PRKCZ: variants seen among roughly 807,000 people sequenced by gnomAD.
PRKCZ encodes the protein protein kinase C zeta type.
Under a neutral mutation model 79.5 loss-of-function variants are expected in PRKCZ, and 33 were observed. The observed-to-expected ratio is 0.41, with a 90% CI of 0.31 to 0.55. PRKCZ has a LOEUF of 0.55. Among genes scored for constraint, PRKCZ ranks in the 20% least tolerant of loss-of-function variants. PRKCZ has a pLI of 0.19. For missense variants in PRKCZ, 578 were observed against 813.5 expected (o/e 0.71, Z 3.52); for synonymous variants, 342 against 320.9 (o/e 1.07, Z -0.70).
At chr1:2,181,368 C>T (rs929424705) in intron 16 of PRKCZ, among the ~76,000 whole-genome samples, 16 of 152,230 alleles carry the variant, frequency 1.1e-4, no homozygotes, top group Non-Finnish European at 2.2e-4. Flanking sequence ...ACGGAACGGG[C>T]CCCCTGTTGT....
intron 16 of PRKCZ, among the ~76,000 whole-genome samples, chr1:2,176,957 A>G (rs1426752842): frequency 6.6e-6 from 1 of 152,222 alleles, no homozygotes; most frequent in Non-Finnish European, 1.5e-5. Flanking sequence ...TGTTCTGAGC[A>G]TAGGCACCTG....
intron 4 of PRKCZ, among the ~76,000 whole-genome samples, chr1:2,120,342 C>CA: frequency 7.7e-6 from 1 of 129,536 alleles, no homozygotes; most frequent in East Asian, 2.2e-4. Context: ...TCTTGTTGCC[C>CA]AGGCTGGAGT....
chr1:2,078,814 T>C (rs1214499531), intron 4 of PRKCZ, among the ~76,000 whole-genome samples: 1 of 152,082 alleles, frequency 6.6e-6, no homozygotes, highest in East Asian at 1.9e-4. Context: ...TTCCCGTTCT[T>C]GTCTTTCGAT....
intron 6 of PRKCZ, chr1:2,145,656 G>A (rs1462249198): frequency 1.2e-5 from 3 of 255,520 alleles, no homozygotes; most frequent in Non-Finnish European, 2.3e-5. Flanking sequence ...GCTCACACCT[G>A]TAATCCCAAC....
Position 2,174,705 on chromosome 1 carries a change from C to A in PRKCZ, c.1406-49C>A, listed in dbSNP as rs746976366. The A allele has an allele frequency of 1.9e-6, 3 of 1,585,068 alleles. No homozygotes were observed. Among genetic ancestry groups the A allele is most frequent in the Non-Finnish European group, 1.7e-6 (2 of 1,155,506 alleles). ...GAGTCAGAGTCTGGGCGGCACTGGG[C>A]AAATGGCACACAACACAGGCAAGTC... On this transcript the variant is annotated intron_variant, in intron 14 of 17. Coordinates refer to ENST00000378567, the MANE Select transcript of PRKCZ (RefSeq NM_002744.6). This position sits in a 1 kb window ranked among gnomAD's most constrained non-coding sequence, Gnocchi z 6.2.
chr1:2,093,893 C>A (rs1372644172), intron 4 of PRKCZ, among the ~76,000 whole-genome samples: 1 of 152,166 alleles, frequency 6.6e-6, no homozygotes, highest in African/African-American at 2.4e-5. Flanking sequence ...AGGTCCGCGG[C>A]CGTCAGCGTT....
chr1:2,160,706 G>A (rs900433497), intron 10 of PRKCZ, among the ~76,000 whole-genome samples: 1 of 152,182 alleles, frequency 6.6e-6, no homozygotes. Flanking sequence ...AGCCTTAGGG[G>A]GTGGGGAGGA....
intron 9 of PRKCZ, among the ~76,000 whole-genome samples, chr1:2,155,122 A>G (rs2459983): frequency 0.92 from 139,489 of 152,174 alleles, 64,109 homozygotes; most frequent in East Asian, 1. Flanking sequence ...TGATGGTGAC[A>G]ATGATGGTGA....
chr1:2,119,890 G>A (rs1365476858), intron 4 of PRKCZ, among the ~76,000 whole-genome samples: 3 of 151,352 alleles, frequency 2.0e-5, no homozygotes, highest in Non-Finnish European at 4.4e-5. Flanking sequence ...AGGTTCAAGC[G>A]ATTCTCCTGG....
chr1:2,103,919 G>A (rs535835732), intron 4 of PRKCZ, among the ~76,000 whole-genome samples: 16 of 152,328 alleles, frequency 1.1e-4, no homozygotes, highest in African/African-American at 3.4e-4. Context: ...TGGCCTGGAC[G>A]CCAGCTGTTC....
chr1:2,179,388 C>T (rs1438983787), intron 16 of PRKCZ, among the ~76,000 whole-genome samples: 2 of 152,194 alleles, frequency 1.3e-5, no homozygotes. Context: ...AAGAGGGTCC[C>T]CATCCCCGCA....
chr1:2,061,507 C>T (rs1282228856), intron 4 of PRKCZ, among the ~76,000 whole-genome samples: 1 of 152,130 alleles, frequency 6.6e-6, no homozygotes, highest in African/African-American at 2.4e-5. Context: ...GAGAATGTGG[C>T]CAAGCCCCGA....
At chr1:2,132,541 C>T (rs192440893) in intron 4 of PRKCZ, among the ~76,000 whole-genome samples, 1 of 152,252 alleles carries the variant, frequency 6.6e-6, no homozygotes, top group East Asian at 1.9e-4. Flanking sequence ...GTGTAGGAGA[C>T]GCCTGGGCGG....
chr1:2,166,529 A>G (rs1233289707), intron 10 of PRKCZ, among the ~76,000 whole-genome samples: 5 of 152,194 alleles, frequency 3.3e-5, no homozygotes, highest in Admixed American at 1.3e-4. Flanking sequence ...TAATGCCAGG[A>G]CAGGGAGCAG....
rs1557725714 is a variant in PRKCZ at position 2,168,483 on chromosome 1, C to T, written c.975-1035C>T. On this transcript the variant is annotated intron_variant, in intron 10 of 17. Transcript: ENST00000378567. The surrounding 1 kb of genome is among the most constrained non-coding windows in gnomAD (Gnocchi z 4.7). ...CGTCTCTCCAGCTCCTCACTTGGGG[C>T]CCAGGGCTCTTTCGATTTTTAGGAG... is the stretch of plus-strand genomic sequence containing the variant. Among the ~76,000 whole-genome samples the T allele has an allele frequency of 6.6e-6, 1 of 152,216 alleles. No homozygotes were observed. The highest frequency in any genetic ancestry group is 1.5e-5 in the Non-Finnish European group (1 of 68,044).
intron 6 of PRKCZ, chr1:2,144,749 T>G: frequency 1.6e-6 from 1 of 611,286 alleles, no homozygotes. Context: ...GCATCCCCCC[T>G]GGGAAGCCAT....
intron 4 of PRKCZ, among the ~76,000 whole-genome samples, chr1:2,064,193 C>T (rs1316924345): frequency 6.6e-6 from 1 of 152,196 alleles, no homozygotes; most frequent in Non-Finnish European, 1.5e-5. Flanking sequence ...CTTTTCGCGT[C>T]CTGTGTCCAT....
intron 4 of PRKCZ, chr1:2,074,272 G>A (rs1034123087): frequency 6.5e-7 from 1 of 1,549,732 alleles, no homozygotes; most frequent in Non-Finnish European, 8.7e-7. Context: ...CCCGAGGACG[G>A]ATGGTGTGTG....
At chr1:2,072,449 G>A (rs911038097) in intron 4 of PRKCZ, among the ~76,000 whole-genome samples, 4 of 152,230 alleles carry the variant, frequency 2.6e-5, no homozygotes, top group Admixed American at 1.3e-4. Context: ...GGCAAGCGCC[G>A]GGTGGGTTGG....
Sources: gnomAD v4.1 joint callset for allele counts (sites outside exome capture counted in the v4.1 genomes callset) on GRCh38, gnomAD v4.1.1 for gene constraint, Gnocchi (gnomAD v3.1) non-coding constraint, MANE v1.5 for transcripts, NCBI Gene and HGNC (gene_info 2026-07-23, HGNC 2026-07-21) for gene names.